Variants in SRGAP3 observed in about 807,000 individuals in gnomAD.
SRGAP3 encodes the protein SLIT-ROBO Rho GTPase-activating protein 3.
In SRGAP3, 39 loss-of-function variants were observed where a neutral mutation model predicts 121.1. The ratio of observed to expected loss-of-function variants is 0.32; its 90% confidence interval spans 0.25 to 0.42. The LOEUF is 0.42. Ranked by LOEUF, SRGAP3 falls within the 10% of genes least tolerant of loss-of-function variation. The probability of loss-of-function intolerance (pLI) is 1.00; values close to 1 mark genes in which losing one functional copy is unlikely to be tolerated. For synonymous variants in SRGAP3, 601 were observed against 570.0 expected (o/e 1.05, Z -0.77); for missense variants, 1,213 against 1,470.6 (o/e 0.82, Z 2.86).
chr3:9,306,067 A>G (rs533626345), intron 3 of SRGAP3, among the ~76,000 whole-genome samples: 1 of 151,934 alleles, frequency 6.6e-6, no homozygotes, highest in Non-Finnish European at 1.5e-5. Flanking sequence ...CATCCTCTCC[A>G]TCATCTGTTG....
At chr3:9,149,073 G>A (rs1277167857) in intron 1 of SRGAP3, among the ~76,000 whole-genome samples, 1 of 152,002 alleles carries the variant, frequency 6.6e-6, no homozygotes, top group Non-Finnish European at 1.5e-5. Flanking sequence ...AATTAGCCGA[G>A]CGTGGTGGCA....
chr3:9,124,493 G>A (rs1056237009), intron 2 of SRGAP3, among the ~76,000 whole-genome samples: 5 of 152,198 alleles, frequency 3.3e-5, no homozygotes, highest in East Asian at 1.9e-4. Flanking sequence ...CTCTTCTTGG[G>A]TTGTTCATTT....
At chr3:9,173,170 C>G (rs1951050458) in intron 1 of SRGAP3, among the ~76,000 whole-genome samples, 1 of 152,238 alleles carries the variant, frequency 6.6e-6, no homozygotes, top group Non-Finnish European at 1.5e-5. Context: ...CTCCCTGCTT[C>G]AGCGGCAACA....
At chr3:9,361,916 C>T in intron 1 of SRGAP3, among the ~76,000 whole-genome samples, 1 of 152,150 alleles carries the variant, frequency 6.6e-6, no homozygotes, top group Non-Finnish European at 1.5e-5. Flanking sequence ...TTGGATCATG[C>T]TAAGGCCACC....
At chr3:9,314,268 G>A (rs2125279684) in intron 3 of SRGAP3, among the ~76,000 whole-genome samples, 1 of 152,118 alleles carries the variant, frequency 6.6e-6, no homozygotes, top group Non-Finnish European at 1.5e-5. Flanking sequence ...GTGAGAAGAT[G>A]TTCCAGGGCA....
intron 1 of SRGAP3, among the ~76,000 whole-genome samples, chr3:9,238,538 G>C (rs1953500504): frequency 6.6e-6 from 1 of 152,126 alleles, no homozygotes; most frequent in South Asian, 2.1e-4. Context: ...GACCAAAGTG[G>C]AGAGTAAATC....
At chr3:9,275,516 G>T (rs924921855) in intron 3 of SRGAP3, among the ~76,000 whole-genome samples, 1 of 152,152 alleles carries the variant, frequency 6.6e-6, no homozygotes, top group African/African-American at 2.4e-5. Flanking sequence ...ACCTTGAATT[G>T]TAGCTCCCAT....
At chr3:9,279,639 G>A (rs781261438) in intron 3 of SRGAP3, among the ~76,000 whole-genome samples, 6 of 149,284 alleles carry the variant, frequency 4.0e-5, no homozygotes, top group Admixed American at 3.4e-4. Flanking sequence ...TCAGCCTCCC[G>A]AGTACCTGGG....
chr3:9,195,882 A>G (rs1951900471), intron 1 of SRGAP3, among the ~76,000 whole-genome samples: 1 of 152,070 alleles, frequency 6.6e-6, no homozygotes, highest in Non-Finnish European at 1.5e-5. Context: ...CTTGAGCCCA[A>G]GAGTTTGAGG....
At chr3:9,068,303 T>G (rs1280638910) in intron 4 of SRGAP3, among the ~76,000 whole-genome samples, 1 of 152,234 alleles carries the variant, frequency 6.6e-6, no homozygotes, top group Non-Finnish European at 1.5e-5. Flanking sequence ...ACAGCCCAGC[T>G]GGGTGTTCTC....
At chr3:9,082,280 T>C (rs1419952330) in intron 3 of SRGAP3, among the ~76,000 whole-genome samples, 1 of 152,224 alleles carries the variant, frequency 6.6e-6, no homozygotes, top group African/African-American at 2.4e-5. Flanking sequence ...TGTGAGCCAA[T>C]TAAACCTCTT....
intron 8 of SRGAP3, among the ~76,000 whole-genome samples, chr3:9,055,893 GTTTGT>G (rs1945797390): frequency 6.8e-6 from 1 of 147,750 alleles, no homozygotes; most frequent in Non-Finnish European, 1.5e-5. Context: ...TGTTTTGTTT[GTTTGT>G]TTGTTTGTTT....
intron 12 of SRGAP3, 23 bp from the exon 13 acceptor site, chr3:9,027,018 G>A: frequency 6.2e-7 from 1 of 1,612,526 alleles, no homozygotes; most frequent in Non-Finnish European, 8.5e-7. Flanking sequence ...AAAATTGTGA[G>A]TTTTATGGGG....
chr3:9,103,254 C>G (rs1948285924), intron 3 of SRGAP3, among the ~76,000 whole-genome samples: 1 of 152,206 alleles, frequency 6.6e-6, no homozygotes, highest in African/African-American at 2.4e-5. Flanking sequence ...CTTTGTGCTT[C>G]TAGCAATCTC....
chr3:9,074,925 C>T (rs1302611172), intron 4 of SRGAP3, among the ~76,000 whole-genome samples: 2 of 152,248 alleles, frequency 1.3e-5, no homozygotes, highest in Non-Finnish European at 2.9e-5. Context: ...GCCTCTCCTG[C>T]AGCCCTGGGC....
intron 1 of SRGAP3, among the ~76,000 whole-genome samples, chr3:9,133,750 G>A (rs948087733): frequency 1.3e-5 from 2 of 152,192 alleles, no homozygotes; most frequent in African/African-American, 2.4e-5. Context: ...TATCAAGACT[G>A]CTAAACTGCC....
At chr3:9,357,258 A>AT (rs987558808) in intron 1 of SRGAP3, among the ~76,000 whole-genome samples, 16 of 151,838 alleles carry the variant, frequency 1.1e-4, no homozygotes, top group African/African-American at 2.4e-4. Flanking sequence ...ATATATATAC[A>AT]TTTTTTTTAA....
At chr3:9,222,262 A>G (rs1371103341) in intron 1 of SRGAP3, among the ~76,000 whole-genome samples, 2 of 152,250 alleles carry the variant, frequency 1.3e-5, no homozygotes, top group Admixed American at 1.3e-4. Flanking sequence ...TTGAAGTACC[A>G]GAAATGACTG....
At chr3:9,152,909 G>A (rs991147411) in intron 1 of SRGAP3, among the ~76,000 whole-genome samples, 21 of 152,166 alleles carry the variant, frequency 1.4e-4, no homozygotes, top group Non-Finnish European at 2.5e-4. Context: ...ACAGTGCCCC[G>A]TGGAGTCAGC....
Sources: allele counts gnomAD v4.1 joint callset (sites outside exome capture counted in the v4.1 genomes callset), GRCh38; gene constraint gnomAD v4.1.1; transcripts MANE v1.5; gene names NCBI Gene and HGNC (gene_info 2026-07-23, HGNC 2026-07-21).